Variants in CNTNAP2 observed in about 807,000 individuals in gnomAD.
CNTNAP2 encodes contactin-associated protein-like 2.
Under a neutral mutation model 155.2 loss-of-function variants are expected in CNTNAP2, and 98 were observed. The observed-to-expected ratio is 0.63, with a 90% CI of 0.54 to 0.75. The LOEUF is 0.75. Ranked by LOEUF, CNTNAP2 falls within the 30% of genes least tolerant of loss-of-function variation. The pLI, the probability that CNTNAP2 is intolerant of heterozygous loss-of-function variation, is 0.00. For missense variants in CNTNAP2, 1,727 were observed against 1,688.1 expected (o/e 1.02, Z -0.40); for synonymous variants, 651 against 631.2 (o/e 1.03, Z -0.47).
intron 12 of CNTNAP2, among the ~76,000 whole-genome samples, chr7:147,571,693 T>C (rs1452644146): frequency 6.6e-6 from 1 of 152,172 alleles, no homozygotes; most frequent in Non-Finnish European, 1.5e-5. Flanking sequence ...TCCTATTCTA[T>C]ATTAGGGCTT....
At chr7:147,247,079 T>C (rs1295357658) in intron 8 of CNTNAP2, among the ~76,000 whole-genome samples, 2 of 152,204 alleles carry the variant, frequency 1.3e-5, no homozygotes, top group Non-Finnish European at 2.9e-5. Flanking sequence ...AGTAATATCA[T>C]AGGTTATAAA....
chr7:148,354,238 G>C (rs1563054849), intron 21 of CNTNAP2, among the ~76,000 whole-genome samples: 5 of 119,970 alleles, frequency 4.2e-5, no homozygotes. Context: ...TGTTAAGCCT[G>C]TTGTGCAAAT....
chr7:148,145,396 T>C (rs1805159046), intron 16 of CNTNAP2, among the ~76,000 whole-genome samples: 1 of 152,162 alleles, frequency 6.6e-6, no homozygotes, highest in Non-Finnish European at 1.5e-5. Context: ...TTTTTCCAAG[T>C]AGTGACAGTT....
intron 1 of CNTNAP2, among the ~76,000 whole-genome samples, chr7:146,535,798 A>G (rs1797859982): frequency 6.6e-6 from 1 of 151,814 alleles, no homozygotes; most frequent in African/African-American, 2.4e-5. Flanking sequence ...CCCATTGTCT[A>G]TTGTTCCCGT....
intron 3 of CNTNAP2, among the ~76,000 whole-genome samples, chr7:146,990,904 G>T (rs1323402501): frequency 1.3e-5 from 2 of 152,038 alleles, no homozygotes; most frequent in Non-Finnish European, 2.9e-5. Flanking sequence ...CTTTGGTTTA[G>T]CTGGAGTGTC....
At chr7:147,066,057 A>G (rs1157896863) in intron 4 of CNTNAP2, among the ~76,000 whole-genome samples, 2 of 152,314 alleles carry the variant, frequency 1.3e-5, no homozygotes, top group East Asian at 3.9e-4. Flanking sequence ...AAAAAACCTT[A>G]CAAGTTAATT....
intron 3 of CNTNAP2, among the ~76,000 whole-genome samples, chr7:146,918,339 T>C (rs946069441): frequency 5.9e-5 from 9 of 152,184 alleles, no homozygotes; most frequent in African/African-American, 2.2e-4. Flanking sequence ...TTTTCAAGAT[T>C]TAGAGCTCCT....
At chr7:146,216,618 T>C (rs1269066814) in intron 1 of CNTNAP2, among the ~76,000 whole-genome samples, 16 of 152,176 alleles carry the variant, frequency 1.1e-4, no homozygotes, top group Admixed American at 8.5e-4. Flanking sequence ...GCAGACTCAC[T>C]CTTCTCCTGC....
At chr7:147,820,657 T>G (rs1272594415) in intron 13 of CNTNAP2, among the ~76,000 whole-genome samples, 4 of 152,158 alleles carry the variant, frequency 2.6e-5, no homozygotes, top group Non-Finnish European at 5.9e-5. Context: ...CTTTTAGATT[T>G]GTTACTGATC....
intron 11 of CNTNAP2, among the ~76,000 whole-genome samples, chr7:147,489,704 C>G (rs868731227): frequency 6.6e-6 from 1 of 152,120 alleles, no homozygotes; most frequent in Non-Finnish European, 1.5e-5. Context: ...CAACCTCCAC[C>G]TCCCAGGTTC....
rs112328190 is a variant in CNTNAP2, at chr7:148,356,821, C to T, written c.3476-26828C>T. Among the ~76,000 whole-genome samples the T allele has an allele frequency of 3.7e-3, 556 of 151,954 alleles. 6 individuals are homozygous for T. Among genetic ancestry groups the T allele is most frequent in the African/African-American group, 0.012 (496 of 41,438 alleles). On this transcript the variant is annotated intron_variant, in intron 21 of 23. Transcript: ENST00000361727. Reference sequence around the variant, plus strand: ...CTGTAAGTCTCCTGGCTTGACACTTCGCTTCAATCTCACTCATCTCTGATT... The same window carrying T: ...CTGTAAGTCTCCTGGCTTGACACTTTGCTTCAATCTCACTCATCTCTGATT...
At chr7:146,936,303 A>T (rs529895481) in intron 3 of CNTNAP2, among the ~76,000 whole-genome samples, 61 of 152,258 alleles carry the variant, frequency 4.0e-4, no homozygotes, top group African/African-American at 1.4e-3. Flanking sequence ...TCAAGCTAAG[A>T]CTTTAAGGAA....
At position 146,839,785 on chromosome 7, in the gene CNTNAP2, A is replaced by G; in HGVS notation, c.283A>G (p.Ile95Val). 2 of 1,614,098 alleles carry G rather than the reference A, an allele frequency of 1.2e-6. No homozygotes were observed. The highest frequency in any genetic ancestry group is 4.5e-5 in the East Asian group (2 of 44,880). Residue 95 changes from isoleucine (I) to valine (V), a missense_variant, in exon 3 of 24, where the codon ATC becomes GTC. By Grantham distance (29) the Ile-to-Val change is conservative. Coordinates refer to ENST00000361727, the MANE Select transcript of CNTNAP2 (RefSeq NM_014141.6). The part of the protein sequence containing the change: ...LQVDFGNRKQ[I>V]SAIATQGRYS... ...GGTTGACTTTGGCAATCGGAAGCAG[A>G]TCAGTGCCATTGCAACCCAAGGAAG...
chr7:146,462,890 T>A (rs1337827380), intron 1 of CNTNAP2, among the ~76,000 whole-genome samples: 1 of 152,142 alleles, frequency 6.6e-6, no homozygotes, highest in East Asian at 1.9e-4. Context: ...GTAGTAGTTC[T>A]AAAAATTACT....
In CNTNAP2 at chr7:147,769,146, G is replaced by A. The variant is rs538013134; in HGVS notation, c.2098+129840G>A. Among the ~76,000 whole-genome samples, 20 of 152,238 alleles carry A rather than the reference G, an allele frequency of 1.3e-4. 1 individual carries two copies. The South Asian group carries it at 3.9e-3, about 30-fold the overall frequency. On this transcript the variant is annotated intron_variant, in intron 13 of 23. Coordinates refer to ENST00000361727, the MANE Select transcript of CNTNAP2 (RefSeq NM_014141.6). ...GTGGTGAAAGATTTTATATGATTCA[G>A]TTAGTAGATTTGGTCAATTTATGCT...
At chr7:147,989,213 GC>G (rs1410078952) in intron 15 of CNTNAP2, among the ~76,000 whole-genome samples, 2 of 152,206 alleles carry the variant, frequency 1.3e-5, no homozygotes, top group Non-Finnish European at 2.9e-5. Context: ...TAGCCAACAG[GC>G]CACGCTTAGG....
rs13241417 is a variant in CNTNAP2, at chr7:148,409,562, T to C, written c.3796+91T>C. On this transcript the variant is annotated intron_variant, in intron 23 of 23. Transcript: ENST00000361727. Reference sequence around the variant, plus strand: ...ACATAGTAGTCTAGGAAAAAAAGTTTTCTAGGTTTTTACATTATTCATTTT... The same window carrying C: ...ACATAGTAGTCTAGGAAAAAAAGTTCTCTAGGTTTTTACATTATTCATTTT... 264,608 of 1,085,964 alleles carry C rather than the reference T, an allele frequency of 0.24. 34,711 individuals carry two copies. The highest frequency in any genetic ancestry group is 0.43 in the African/African-American group (27,495 of 64,060). 67.3% of individuals were successfully genotyped at this position (1,085,964 alleles called of 1,614,324 possible).
rs187196864 is a variant in CNTNAP2, at chr7:147,609,025, A to T, written c.1898-30081A>T. 1.5e-3 allele frequency among the ~76,000 whole-genome samples: 231 copies of T among 152,228 alleles called. 1 individual carries two copies. Among genetic ancestry groups the T allele is most frequent in the Admixed American group, 2.9e-3 (45 of 15,290 alleles). ...TCACTTCTTTTGTGATTCTTCAGTT[A>T]CTTCAGGCCATCTGGATGTATACGT... On this transcript the variant is annotated intron_variant, in intron 12 of 23. Coordinates refer to ENST00000361727, the MANE Select transcript of CNTNAP2 (RefSeq NM_014141.6).
chr7:148,079,551 A>G (rs1351259275), intron 15 of CNTNAP2, among the ~76,000 whole-genome samples: 1 of 152,212 alleles, frequency 6.6e-6, no homozygotes, highest in Non-Finnish European at 1.5e-5. Flanking sequence ...GACTCAGTGA[A>G]TTCTCTCCTG....
Sources: allele counts gnomAD v4.1 joint callset (sites outside exome capture counted in the v4.1 genomes callset), GRCh38; gene constraint gnomAD v4.1.1; transcripts MANE v1.5; gene names NCBI Gene and HGNC (gene_info 2026-07-23, HGNC 2026-07-21).